PLCB1: variants seen among roughly 807,000 people sequenced by gnomAD.
PLCB1 encodes the protein 1-phosphatidylinositol 4,5-bisphosphate phosphodiesterase beta-1.
Under a neutral mutation model 161.8 loss-of-function variants are expected in PLCB1, and 46 were observed. The observed-to-expected ratio is 0.28, with a 90% CI of 0.22 to 0.36. The LOEUF (loss-of-function observed/expected upper bound fraction) is 0.36, where lower values mean the gene tolerates loss of function less well. Among genes scored for constraint, PLCB1 ranks in the 10% least tolerant of loss-of-function variants. The pLI is 1.00. For missense variants in PLCB1, 1,016 were observed against 1,472.5 expected, an observed-to-expected ratio of 0.69 and a Z score of 5.07; for synonymous variants, 517 against 503.7, an observed-to-expected ratio of 1.03 and a Z score of -0.35.
At chr20:8,732,408 C>T (rs972914089) in intron 18 of PLCB1, among the ~76,000 whole-genome samples, 2 of 151,680 alleles carry the variant, frequency 1.3e-5, no homozygotes, top group Non-Finnish European at 2.9e-5. Context: ...AAGAAAATCA[C>T]TGATCATGGC....
intron 3 of PLCB1, among the ~76,000 whole-genome samples, chr20:8,400,937 T>A (rs1203629593): frequency 2.6e-5 from 4 of 152,206 alleles, no homozygotes; most frequent in Admixed American, 6.5e-5. Flanking sequence ...TGTGCATTTT[T>A]AATTATGAAA....
intron 2 of PLCB1, among the ~76,000 whole-genome samples, chr20:8,214,880 C>T (rs547583390): frequency 1.1e-4 from 17 of 151,810 alleles, no homozygotes; most frequent in African/African-American, 4.1e-4. Context: ...TTTGCGGGGA[C>T]TGTTTGCACT....
intron 2 of PLCB1, among the ~76,000 whole-genome samples, chr20:8,283,482 A>G (rs1982974431): frequency 6.6e-6 from 1 of 151,240 alleles, no homozygotes; most frequent in South Asian, 2.1e-4. Flanking sequence ...TTAATAATAA[A>G]TGCTCTAACA....
rs779230632 is a variant in PLCB1, at chr20:8,349,041, CAT to C, written c.178-22339_178-22338del. ...ACACATACATATATATACACACACACATAAATATATACATATCTACATATACA... is the reference window on the plus strand; with the variant it reads ...ACACATACATATATATACACACACACAAATATATACATATCTACATATACA... On this transcript the variant is annotated intron_variant, in intron 2 of 31. Transcript: ENST00000338037. 2.3e-4 allele frequency among the ~76,000 whole-genome samples: 35 copies of C among 152,108 alleles called. No homozygotes were observed. The Middle Eastern group carries it at 0.01, about 44-fold the overall frequency.
intron 9 of PLCB1, among the ~76,000 whole-genome samples, chr20:8,679,453 C>T (rs988879434): frequency 3.0e-4 from 45 of 152,012 alleles, no homozygotes; most frequent in African/African-American, 5.8e-4. Context: ...TCAGAGTAGC[C>T]CATAGCCCAG....
chr20:8,646,387 A>G (rs761826220), intron 5 of PLCB1, among the ~76,000 whole-genome samples: 3 of 152,354 alleles, frequency 2.0e-5, no homozygotes, highest in Middle Eastern at 3.4e-3. Context: ...CAAGCTGCAC[A>G]TCTGTGTTAC....
At chr20:8,825,226 A>G (rs975740170) in intron 31 of PLCB1, among the ~76,000 whole-genome samples, 3 of 152,214 alleles carry the variant, frequency 2.0e-5, no homozygotes, top group African/African-American at 7.2e-5. Flanking sequence ...TAAACAAATG[A>G]TCTCCTGAAC....
intron 3 of PLCB1, among the ~76,000 whole-genome samples, chr20:8,465,794 G>T (rs1981794063): frequency 6.6e-6 from 1 of 151,254 alleles, no homozygotes; most frequent in Non-Finnish European, 1.5e-5. Context: ...ACACCAGTTA[G>T]AATGGCAATC....
chr20:8,847,572 A>C (rs1474710907), intron 31 of PLCB1, among the ~76,000 whole-genome samples: 1 of 152,168 alleles, frequency 6.6e-6, no homozygotes, highest in African/African-American at 2.4e-5. Flanking sequence ...GAACCATTCA[A>C]TTCAATTTTG....
chr20:8,765,239 C>A lies in PLCB1; in HGVS notation c.2811C>A (p.His937Gln). 1.2e-6 allele frequency: 2 copies of A among 1,613,714 alleles called. No homozygotes were observed. The highest frequency in any genetic ancestry group is 1.7e-6 in the Non-Finnish European group (2 of 1,179,678). Residue 937 changes from histidine to glutamine, a missense_variant, in exon 26 of 32, where the codon CAC becomes CAA. By Grantham distance (24) the His-to-Gln change is conservative. Transcript: ENST00000338037. ...YKEMKDLVKR[H>Q]HKKTTDLIKE... ...AAATGAAAGACCTGGTTAAGAGACA[C>A]CACAAGAAAACCACTGACCTTATCA...
intron 17 of PLCB1, among the ~76,000 whole-genome samples, chr20:8,728,531 T>TAATAAA (rs1393447980): frequency 6.6e-6 from 1 of 152,054 alleles, no homozygotes; most frequent in Non-Finnish European, 1.5e-5. Context: ...CAGAGAAAAT[T>TAATAAA]AATAAAAATT....
intron 3 of PLCB1, among the ~76,000 whole-genome samples, chr20:8,416,095 T>G (rs548786150): frequency 1.5e-3 from 228 of 152,360 alleles, no homozygotes; most frequent in African/African-American, 5.2e-3. Context: ...GGTTAAGGAA[T>G]CTCCAAAACA....
intron 31 of PLCB1, among the ~76,000 whole-genome samples, chr20:8,814,359 A>G (rs1156903286): frequency 6.6e-6 from 1 of 152,242 alleles, no homozygotes; most frequent in African/African-American, 2.4e-5. Flanking sequence ...TTACATTTCG[A>G]GAATGAATTT....
chr20:8,327,139 G>A (rs913598732), intron 2 of PLCB1, among the ~76,000 whole-genome samples: 1 of 152,138 alleles, frequency 6.6e-6, no homozygotes, highest in African/African-American at 2.4e-5. Flanking sequence ...ACCCACCTTG[G>A]ACTCTGAAAG....
intron 2 of PLCB1, among the ~76,000 whole-genome samples, chr20:8,216,958 A>G (rs1387504233): frequency 6.6e-6 from 1 of 152,110 alleles, no homozygotes; most frequent in African/African-American, 2.4e-5. Flanking sequence ...CCCCCTTACC[A>G]GGGACATTCT....
chr20:8,816,406 C>CA (rs1259418391), intron 31 of PLCB1, among the ~76,000 whole-genome samples: 2 of 152,064 alleles, frequency 1.3e-5, no homozygotes, highest in Non-Finnish European at 2.9e-5. Flanking sequence ...CTACCACTCA[C>CA]AAATTGAAAG....
chr20:8,724,854 T>C (rs1979846750), intron 16 of PLCB1, 102 bp downstream of exon 16: 1 of 655,976 alleles, frequency 1.5e-6, no homozygotes, highest in Admixed American at 3.0e-5. Flanking sequence ...TAGAGAGATT[T>C]ATGCTTTTGA....
rs181452971 is a variant in PLCB1 at position 8,562,314 on chromosome 20, G to A, written c.247-65980G>A. The stretch of plus-strand genomic sequence containing the variant: ...TGGGCTGAGATGCAGTCCACACTAT[G>A]TGAGTGTGAAAAGCTGCTCAGCGGT... On this transcript the variant is annotated intron_variant, in intron 3 of 31. Coordinates refer to ENST00000338037, the MANE Select transcript of PLCB1 (RefSeq NM_015192.4). Among the ~76,000 whole-genome samples the A allele has an allele frequency of 6.6e-4, 101 of 152,194 alleles. 1 individual carries two copies. In the East Asian group the frequency reaches 0.015, roughly 23 times the overall value.
intron 3 of PLCB1, among the ~76,000 whole-genome samples, chr20:8,572,254 T>C (rs73595512): frequency 0.014 from 2,158 of 152,304 alleles, 58 homozygotes; most frequent in African/African-American, 0.049. Flanking sequence ...TTTTACTTCT[T>C]GATACATGAA....
Sources: gnomAD v4.1 joint callset for allele counts (sites outside exome capture counted in the v4.1 genomes callset) on GRCh38, gnomAD v4.1.1 for gene constraint, MANE v1.5 for transcripts, NCBI Gene and HGNC (gene_info 2026-07-23, HGNC 2026-07-21) for gene names.